Variants in RASGRF2 observed in about 807,000 individuals in gnomAD.
The protein encoded by RASGRF2 is Ras protein specific guanine nucleotide releasing factor 2.
RASGRF2 carries 76 observed loss-of-function variants against 151.0 expected under a neutral mutation model. The observed-to-expected ratio is 0.50, with a 90% CI of 0.42 to 0.61. RASGRF2 has a LOEUF of 0.61. Among genes scored for constraint, RASGRF2 ranks in the 20% least tolerant of loss-of-function variants. The pLI is 0.00. For missense variants in RASGRF2, 1,148 were observed against 1,564.6 expected (o/e 0.73, Z 4.49); for synonymous variants, 504 against 566.5 (o/e 0.89, Z 1.57).
At chr5:80,994,299 G>A (rs985311230) in intron 1 of RASGRF2, among the ~76,000 whole-genome samples, 7 of 148,872 alleles carry the variant, frequency 4.7e-5, no homozygotes, top group Non-Finnish European at 3.0e-5. Context: ...CTGGGGGGCC[G>A]AGCTTGCAGT....
At chr5:81,035,289 A>T (rs1012827142) in intron 1 of RASGRF2, among the ~76,000 whole-genome samples, 1 of 152,228 alleles carries the variant, frequency 6.6e-6, no homozygotes, top group African/African-American at 2.4e-5. Context: ...GCCATAAAAA[A>T]GGATGAGTTC....
At chr5:81,213,700 A>T (rs752390563) in intron 23 of RASGRF2, among the ~76,000 whole-genome samples, 2 of 152,108 alleles carry the variant, frequency 1.3e-5, no homozygotes, top group Non-Finnish European at 2.9e-5. Flanking sequence ...GTGGCAGGAA[A>T]CCAAGCCTAA....
chr5:81,066,348 G>A (rs1332918636), intron 2 of RASGRF2, among the ~76,000 whole-genome samples: 3 of 152,112 alleles, frequency 2.0e-5, no homozygotes, highest in African/African-American at 2.4e-5. Context: ...CACGATACAG[G>A]TGCTGAGGAT....
chr5:81,221,596 A>G (rs1755858345), intron 26 of RASGRF2, among the ~76,000 whole-genome samples: 1 of 152,082 alleles, frequency 6.6e-6, no homozygotes, highest in Admixed American at 6.6e-5. Flanking sequence ...CACACCTATA[A>G]TCTTAGCACT....
At chr5:80,964,819 T>C (rs1747673431) in intron 1 of RASGRF2, among the ~76,000 whole-genome samples, 1 of 152,148 alleles carries the variant, frequency 6.6e-6, no homozygotes, top group African/African-American at 2.4e-5. Context: ...CAGGAATTCA[T>C]TTACTTCAGG....
chr5:81,009,985 C>T lies in RASGRF2; in HGVS notation c.289-32892C>T, dbSNP rs568088020. 5.9e-5 allele frequency among the ~76,000 whole-genome samples: 9 copies of T among 152,022 alleles called. No homozygotes were observed. The East Asian group carries it at 1.4e-3, about 23-fold the overall frequency. On this transcript the variant is annotated intron_variant, in intron 1 of 26. Transcript: ENST00000265080. Reference sequence around the variant, plus strand: ...CAGCCTGGCCAATATGGTGAAACCTCGTTTCTATGAAAATGCAAAAATTAG... The same window carrying T: ...CAGCCTGGCCAATATGGTGAAACCTTGTTTCTATGAAAATGCAAAAATTAG...
chr5:81,168,968 G>A (rs1344250786), intron 17 of RASGRF2, among the ~76,000 whole-genome samples: 5 of 152,272 alleles, frequency 3.3e-5, no homozygotes, highest in African/African-American at 1.2e-4. Context: ...TGCTTTGCTG[G>A]CTCTTTGACC....
chr5:81,183,290 C>A lies in RASGRF2; in HGVS notation c.2793+3009C>A, dbSNP rs1754958934. ...AAGGCTGCCACAGAGTGTTCGACAT[C>A]ATCTAATTATTTCTCACTTCTCATC... On this transcript the variant is annotated intron_variant, in intron 18 of 26. Coordinates refer to ENST00000265080, the MANE Select transcript of RASGRF2 (RefSeq NM_006909.3). 3 of 982,190 alleles carry A rather than the reference C, an allele frequency of 3.1e-6. No individual in the cohort carries two copies. The Admixed American group carries it at 1.8e-4, about 60-fold the overall frequency. The allele number at this position is 982,190 out of a possible 1,614,324, so 60.8% of individuals were successfully genotyped here. A position where few individuals can be genotyped will look rare whatever the true frequency, so the allele number is the denominator to read the frequency against.
At chr5:81,116,075 T>C (rs1369272367) in intron 15 of RASGRF2, among the ~76,000 whole-genome samples, 38 of 98,098 alleles carry the variant, frequency 3.9e-4, no homozygotes, top group Admixed American at 7.7e-4. Flanking sequence ...TCTTTTTTTT[T>C]TTTTTTTTTT....
At chr5:81,041,995 T>C (rs1167472356) in intron 1 of RASGRF2, among the ~76,000 whole-genome samples, 1 of 152,200 alleles carries the variant, frequency 6.6e-6, no homozygotes, top group South Asian at 2.1e-4. Flanking sequence ...TTTTGCTCCA[T>C]GTTATTGTTT....
chr5:81,184,977 C>T (rs376099816), intron 18 of RASGRF2, among the ~76,000 whole-genome samples: 12 of 152,210 alleles, frequency 7.9e-5, no homozygotes, highest in East Asian at 1.9e-4. Context: ...TTGTTTCTGA[C>T]GTTCAGGCAG....
chr5:81,113,668 G>C lies in RASGRF2; in HGVS notation c.2218G>C (p.Val740Leu). The C allele has an allele frequency of 6.2e-7, 1 of 1,613,522 alleles. No homozygotes were observed. The change falls in exon 15 of 27, where the codon GTG becomes CTG. Residue 740 changes from valine to leucine, a missense_variant. Around this residue, in one of 5 missense-constraint regions of RASGRF2, gnomAD observed 646 missense variants for 807.4 expected, o/e 0.80. Coordinates refer to ENST00000265080, the MANE Select transcript of RASGRF2 (RefSeq NM_006909.3). ...PLAVSRTSSP[V>L]RARKLSLTSP... The stretch of plus-strand genomic sequence containing the variant: ...GGCTGTGTCCAGAACATCTTCCCCA[G>C]TGAGGGCCAGAAAGCTGTCTTTGAC...
intron 1 of RASGRF2, among the ~76,000 whole-genome samples, chr5:80,972,968 G>A (rs527804202): frequency 6.6e-6 from 1 of 152,262 alleles, no homozygotes; most frequent in South Asian, 2.1e-4. Flanking sequence ...TCAGTTATAT[G>A]TATTGCAAGT....
intron 5 of RASGRF2, among the ~76,000 whole-genome samples, chr5:81,074,003 C>T (rs1399413248): frequency 1.3e-5 from 2 of 152,112 alleles, no homozygotes; most frequent in Non-Finnish European, 1.5e-5. Flanking sequence ...ATTGTCTTAT[C>T]GCATGGAGAT....
At chr5:81,041,836 C>T (rs1327239983) in intron 1 of RASGRF2, among the ~76,000 whole-genome samples, 1 of 152,196 alleles carries the variant, frequency 6.6e-6, no homozygotes, top group Non-Finnish European at 1.5e-5. Context: ...TAAGCTCCCT[C>T]ATGCGATTCC....
chr5:81,076,260 G>A (rs1751933704), intron 5 of RASGRF2, among the ~76,000 whole-genome samples: 2 of 152,150 alleles, frequency 1.3e-5, no homozygotes, highest in Admixed American at 6.5e-5. Flanking sequence ...GAGAAACAGG[G>A]TGGTACCTAG....
chr5:80,999,141 A>AGGGGTT (rs1748995823), intron 1 of RASGRF2, among the ~76,000 whole-genome samples: 6 of 151,990 alleles, frequency 3.9e-5, no homozygotes, highest in Admixed American at 2.6e-4. Flanking sequence ...GGGTTGGAGG[A>AGGGGTT]GGAAGCAAGG....
intron 10 of RASGRF2, among the ~76,000 whole-genome samples, chr5:81,093,908 T>C (rs896909631): frequency 6.6e-6 from 1 of 152,146 alleles, no homozygotes; most frequent in African/African-American, 2.4e-5. Flanking sequence ...GCAAACTTTT[T>C]TATTATTGCT....
chr5:81,163,271 C>A lies in RASGRF2; in HGVS notation c.2687-16904C>A, dbSNP rs191627925. ...CTTGATACTCCATTTGCACTTGGAA[C>A]CTGAGTTGCAGGAGAGCCTAGGAAG... On this transcript the variant is annotated intron_variant, in intron 17 of 26. Transcript: ENST00000265080. Among the ~76,000 whole-genome samples, 6 of 152,186 alleles carry A rather than the reference C, an allele frequency of 3.9e-5. No individual in the cohort carries two copies. In the East Asian group the frequency reaches 1.2e-3, roughly 30 times the overall value.
Sources: allele counts gnomAD v4.1 joint callset (sites outside exome capture counted in the v4.1 genomes callset), GRCh38; gene constraint gnomAD v4.1.1; regional missense constraint gnomAD v4.1.1; transcripts MANE v1.5; gene names NCBI Gene and HGNC (gene_info 2026-07-23, HGNC 2026-07-21).